GARRE1: variants seen among roughly 807,000 people sequenced by gnomAD.
GARRE1 encodes granule associated Rac and RHOG effector protein 1.
GARRE1 carries 49 observed loss-of-function variants against 103.2 expected under a neutral mutation model. The observed-to-expected ratio is 0.47, with a 90% CI of 0.38 to 0.60. The LOEUF (loss-of-function observed/expected upper bound fraction) is 0.60. Ranked by LOEUF, GARRE1 falls within the 20% of genes least tolerant of loss-of-function variation. GARRE1 has a pLI of 0.00. For synonymous variants in GARRE1, 505 were observed against 532.8 expected (o/e 0.95, Z 0.72); for missense variants, 1,199 against 1,370.5 (o/e 0.87, Z 1.98).
At chr19:34,313,350 A>C (rs2074045311) in intron 2 of GARRE1, among the ~76,000 whole-genome samples, 1 of 152,198 alleles carries the variant, frequency 6.6e-6, no homozygotes, top group African/African-American at 2.4e-5. Flanking sequence ...GCTAGGAAGG[A>C]AATGAAGCAA....
chr19:34,321,108 G>A (rs1248720144), intron 3 of GARRE1, among the ~76,000 whole-genome samples: 2 of 135,842 alleles, frequency 1.5e-5, no homozygotes, highest in African/African-American at 2.8e-5. Flanking sequence ...CCAAGCTGGA[G>A]TGCAGTGGCG....
intron 1 of GARRE1, among the ~76,000 whole-genome samples, chr19:34,265,284 C>T (rs1297272019): frequency 2.6e-5 from 4 of 152,158 alleles, no homozygotes; most frequent in Non-Finnish European, 5.9e-5. Flanking sequence ...GGCTCCCAGA[C>T]TTGGGTGCCG....
chr19:34,297,899 TTA>T (rs1277529033), intron 1 of GARRE1, among the ~76,000 whole-genome samples: 1 of 152,204 alleles, frequency 6.6e-6, no homozygotes, highest in African/African-American at 2.4e-5. Context: ...TTTATTGACT[TTA>T]TATGTTATGT....
rs963550688 is a variant in GARRE1, at chr19:34,312,357, T to G, written c.496-7550T>G. 1.1e-4 allele frequency among the ~76,000 whole-genome samples: 17 copies of G among 152,326 alleles called. No homozygotes were observed. The South Asian group carries it at 3.5e-3, about 32-fold the overall frequency. On this transcript the variant is annotated intron_variant, in intron 2 of 13. Coordinates refer to ENST00000299505, the MANE Select transcript of GARRE1 (RefSeq NM_014686.5). ...AAGTGTTCAGTAGTATTAAGTACACTTACATTGTTGTGCAAGCATCACCAT... is the reference window on the plus strand; with the variant it reads ...AAGTGTTCAGTAGTATTAAGTACACGTACATTGTTGTGCAAGCATCACCAT...
chr19:34,334,792 A>T (rs1395878471), intron 8 of GARRE1, among the ~76,000 whole-genome samples: 1 of 151,944 alleles, frequency 6.6e-6, no homozygotes, highest in Non-Finnish European at 1.5e-5. Context: ...GGTGGCTCAC[A>T]CCTGTAATTC....
Position 34,330,260 on chromosome 19 carries a change from G to A in GARRE1, c.1176G>A (p.Val392=). 1 of 1,614,172 alleles carries A rather than the reference G, an allele frequency of 6.2e-7. No homozygotes were observed. The highest frequency in any genetic ancestry group is 8.5e-7 in the Non-Finnish European group (1 of 1,180,024). The part of the protein sequence containing the change: ...NGITSRDDFP[V]TEVLNQVCPS... ...TCACATCCAGGGATGATTTTCCTGT[G>A]ACTGAAGTGCTGAACCAGGTTTGCC... is the stretch of plus-strand genomic sequence containing the variant. The change falls in exon 7 of 14, where the codon GTG becomes GTA. Residue 392 remains valine, a synonymous_variant. Coordinates refer to ENST00000299505, the MANE Select transcript of GARRE1 (RefSeq NM_014686.5).
chr19:34,344,273 T>G (rs2074199976), intron 10 of GARRE1, among the ~76,000 whole-genome samples: 3 of 152,186 alleles, frequency 2.0e-5, no homozygotes, highest in African/African-American at 7.2e-5. Flanking sequence ...AGCAAATACT[T>G]GTACAAGTAA....
At chr19:34,295,215 G>A (rs2073940867) in intron 1 of GARRE1, among the ~76,000 whole-genome samples, 1 of 152,154 alleles carries the variant, frequency 6.6e-6, no homozygotes, top group South Asian at 2.1e-4. Context: ...GATGCAGCTG[G>A]TAGTTTTCAA....
chr19:34,298,439 G>A (rs111550313), intron 1 of GARRE1, among the ~76,000 whole-genome samples: 4 of 148,098 alleles, frequency 2.7e-5, no homozygotes, highest in African/African-American at 5.0e-5. Flanking sequence ...TTGGCCAGGC[G>A]CAGTGGCTCA....
At chr19:34,269,711 G>T (rs999180085) in intron 1 of GARRE1, among the ~76,000 whole-genome samples, 2 of 152,134 alleles carry the variant, frequency 1.3e-5, no homozygotes, top group African/African-American at 2.4e-5. Context: ...TACAGTGTGA[G>T]CCACCAGACC....
At chr19:34,326,423 A>G (rs2145266210) in intron 3 of GARRE1, among the ~76,000 whole-genome samples, 1 of 152,134 alleles carries the variant, frequency 6.6e-6, no homozygotes, top group South Asian at 2.1e-4. Context: ...TCAAATATAT[A>G]TTTTTCTGTA....
intron 2 of GARRE1, among the ~76,000 whole-genome samples, chr19:34,303,994 G>C (rs193264007): frequency 2.0e-5 from 3 of 152,292 alleles, no homozygotes; most frequent in Admixed American, 2.0e-4. Flanking sequence ...CTATTCTATG[G>C]ATGGGGTTTG....
intron 8 of GARRE1, among the ~76,000 whole-genome samples, chr19:34,334,890 C>T (rs1271912364): frequency 6.6e-6 from 1 of 151,906 alleles, no homozygotes; most frequent in Non-Finnish European, 1.5e-5. Flanking sequence ...CCTGTCTCTA[C>T]TAAAAGTACA....
At chr19:34,334,821 A>G (rs1290937691) in intron 8 of GARRE1, among the ~76,000 whole-genome samples, 3 of 152,198 alleles carry the variant, frequency 2.0e-5, no homozygotes, top group Non-Finnish European at 4.4e-5. Flanking sequence ...TGGAAGGCCG[A>G]GGCGGCCAGA....
chr19:34,352,848 A>ATGCCCCCCC lies in GARRE1; in HGVS notation c.3106_3107insTGCCCCCCC (p.Thr1036delinsMetProProPro). On this transcript the variant is annotated protein_altering_variant, in exon 14 of 14. Coordinates refer to ENST00000299505, the MANE Select transcript of GARRE1 (RefSeq NM_014686.5). ...TGCCGCTGCCTTCTCCTATGTGCAGACCCCACCCCAGCCCCCACCCCCACC... is the reference window on the plus strand; with the variant it reads ...TGCCGCTGCCTTCTCCTATGTGCAGATGCCCCCCCCCCCACCCCAGCCCCCACCCCCACC... The ATGCCCCCCC allele has an allele frequency of 6.3e-7, 1 of 1,591,634 alleles. No individual in the cohort carries two copies. The highest frequency in any genetic ancestry group is 8.6e-7 in the Non-Finnish European group (1 of 1,166,616).
chr19:34,295,515 G>GTGTTT (rs71165644), intron 1 of GARRE1, among the ~76,000 whole-genome samples: 61,552 of 148,400 alleles, frequency 0.41, 14,028 homozygotes, highest in Middle Eastern at 0.55. Context: ...GTATCTCTTG[G>GTGTTT]TGTTTTGTTT....
intron 1 of GARRE1, among the ~76,000 whole-genome samples, chr19:34,263,594 C>T (rs1415215614): frequency 6.6e-6 from 1 of 151,726 alleles, no homozygotes; most frequent in African/African-American, 2.4e-5. Context: ...TCTCCTGCCT[C>T]AGCCTCCTGA....
At chr19:34,339,798 A>C (rs1478578652) in intron 8 of GARRE1, 69 bp from the exon 9 acceptor site, 1 of 1,598,886 alleles carries the variant, frequency 6.3e-7, no homozygotes, top group Non-Finnish European at 8.5e-7. Flanking sequence ...AGCCTTTTCT[A>C]TGAGACCTGC....
At chr19:34,331,834 T>C (rs1426098641) in intron 7 of GARRE1, among the ~76,000 whole-genome samples, 1 of 151,768 alleles carries the variant, frequency 6.6e-6, no homozygotes, top group Non-Finnish European at 1.5e-5. Context: ...TCTCTAAAAA[T>C]ACAAAAATTA....
Sources: gnomAD v4.1 joint callset for allele counts (sites outside exome capture counted in the v4.1 genomes callset) on GRCh38, gnomAD v4.1.1 for gene constraint, MANE v1.5 for transcripts, NCBI Gene and HGNC (gene_info 2026-07-23, HGNC 2026-07-21) for gene names.